The following TMEM233 variants were observed in gnomAD, a reference collection of about 807,000 sequenced individuals.
TMEM233 encodes the protein transmembrane protein 233, also known as dispanin subfamily B member 2.
In TMEM233, 6 loss-of-function variants were observed where a neutral mutation model predicts 11.2. The ratio of observed to expected loss-of-function variants is 0.54; its 90% CI spans 0.29 to 1.06. The LOEUF (loss-of-function observed/expected upper bound fraction) is 1.06, where lower values mean the gene tolerates loss of function less well. TMEM233 is among the 50% of genes least tolerant of loss of function. The pLI is 0.08. For synonymous variants in TMEM233, 59 were observed against 55.8 expected (o/e 1.06, Z -0.26); for missense variants, 127 against 144.7 (o/e 0.88, Z 0.63).
the TMEM233 span, among the ~76,000 whole-genome samples, chr12:119,651,096 T>C: frequency 6.6e-6 from 1 of 152,242 alleles, no homozygotes; most frequent in South Asian, 2.1e-4. Context: ...TTTAGGATGC[T>C]TTGGGTTGTA....
At chr12:119,626,341 G>T (rs939770792) in intron 1 of TMEM233, among the ~76,000 whole-genome samples, 1 of 151,856 alleles carries the variant, frequency 6.6e-6, no homozygotes, top group African/African-American at 2.4e-5. Flanking sequence ...GTGGTGGCAG[G>T]CACCTTTAGT....
At chr12:119,612,984 A>C (rs890281185) in intron 1 of TMEM233, among the ~76,000 whole-genome samples, 1 of 152,068 alleles carries the variant, frequency 6.6e-6, no homozygotes, top group Non-Finnish European at 1.5e-5. Flanking sequence ...ATTATACTTT[A>C]AGTTCTAGGG....
At chr12:119,625,351 CT>C (rs1954728306) in intron 1 of TMEM233, among the ~76,000 whole-genome samples, 1 of 147,738 alleles carries the variant, frequency 6.8e-6, no homozygotes, top group Non-Finnish European at 1.5e-5. Flanking sequence ...CGGAGTCCTT[CT>C]GTACATAACT....
intron 2 of TMEM233, 101 bp from the exon 3 acceptor site, chr12:119,640,598 G>A: frequency 1.5e-6 from 2 of 1,321,544 alleles, no homozygotes; most frequent in South Asian, 1.3e-5. Context: ...TGTTTAACCA[G>A]AGTCATCATC....
intron 2 of TMEM233, among the ~76,000 whole-genome samples, chr12:119,635,473 G>C (rs1168578669): frequency 6.6e-6 from 1 of 152,166 alleles, no homozygotes; most frequent in African/African-American, 2.4e-5. Flanking sequence ...GCATCCCTAA[G>C]ATAAAAGATA....
At chr12:119,612,564 C>T (rs113249122) in intron 1 of TMEM233, among the ~76,000 whole-genome samples, 57,482 of 151,746 alleles carry the variant, frequency 0.38, 12,441 homozygotes, top group East Asian at 0.56. Context: ...CTGGCTAACA[C>T]GGTGAAACCC....
chr12:119,626,378 G>A (rs1954757027), intron 1 of TMEM233, among the ~76,000 whole-genome samples: 2 of 151,662 alleles, frequency 1.3e-5, no homozygotes, highest in Admixed American at 1.3e-4. Context: ...GCTGAGGCGG[G>A]AGAATGGCTT....
chr12:119,599,710 G>A (rs927984452), intron 1 of TMEM233, among the ~76,000 whole-genome samples: 19 of 152,128 alleles, frequency 1.2e-4, no homozygotes, highest in Non-Finnish European at 2.6e-4. Flanking sequence ...GGAATAAAGG[G>A]TAGGGAAAAT....
intron 1 of TMEM233, among the ~76,000 whole-genome samples, chr12:119,616,734 CATGGGAGGAACCCA>C (rs1355852476): frequency 6.6e-6 from 1 of 152,154 alleles, no homozygotes; most frequent in Non-Finnish European, 1.5e-5. Flanking sequence ...CCCCATGTGT[CATGGGAGGAACCCA>C]GTGGGAGGTA....
At chr12:119,619,994 A>G (rs1271944857) in intron 1 of TMEM233, among the ~76,000 whole-genome samples, 1 of 152,244 alleles carries the variant, frequency 6.6e-6, no homozygotes, top group Non-Finnish European at 1.5e-5. Flanking sequence ...AAGAAGAAAT[A>G]CGTAGGATCA....
At chr12:119,599,419 A>G (rs1379469966) in intron 1 of TMEM233, among the ~76,000 whole-genome samples, 1 of 136,186 alleles carries the variant, frequency 7.3e-6, no homozygotes, top group Non-Finnish European at 1.6e-5. Context: ...TACACTTACT[A>G]TGTGCCCAGA....
chr12:119,600,007 C>G (rs1392990816), intron 1 of TMEM233, among the ~76,000 whole-genome samples: 1 of 151,866 alleles, frequency 6.6e-6, no homozygotes, highest in Non-Finnish European at 1.5e-5. Flanking sequence ...GTGACCAGTC[C>G]AAAAGAAAAA....
chr12:119,652,308 T>C, the TMEM233 span, among the ~76,000 whole-genome samples: 1 of 152,230 alleles, frequency 6.6e-6, no homozygotes, highest in East Asian at 1.9e-4. Context: ...AAAATGTCCA[T>C]CAATAGAGAC....
intron 1 of TMEM233, among the ~76,000 whole-genome samples, chr12:119,597,883 G>T (rs1368389173): frequency 2.0e-5 from 3 of 152,172 alleles, no homozygotes; most frequent in African/African-American, 7.2e-5. Flanking sequence ...CTGGGTTCCT[G>T]GTAGCTCATA....
At chr12:119,650,291 T>A in the TMEM233 span, among the ~76,000 whole-genome samples, 1 of 152,238 alleles carries the variant, frequency 6.6e-6, no homozygotes, top group Non-Finnish European at 1.5e-5. Flanking sequence ...TACCATTAAC[T>A]TCTCTTTGCA....
chr12:119,599,496 C>G (rs1374420386), intron 1 of TMEM233, among the ~76,000 whole-genome samples: 1 of 152,006 alleles, frequency 6.6e-6, no homozygotes, highest in Non-Finnish European at 1.5e-5. Context: ...ATTAGGAAAA[C>G]AGAAGAAGAA....
chr12:119,648,109 G>A, the TMEM233 span, among the ~76,000 whole-genome samples: 1 of 151,850 alleles, frequency 6.6e-6, no homozygotes, highest in South Asian at 2.1e-4. Flanking sequence ...CCATGCCCTA[G>A]GTCACAGTTT....
chr12:119,643,641 G>T (rs1412610773), downstream of TMEM233, among the ~76,000 whole-genome samples: 4 of 152,038 alleles, frequency 2.6e-5, no homozygotes, highest in Non-Finnish European at 5.9e-5. Flanking sequence ...GGTGGCGGGC[G>T]CCTGTAGTCC....
intron 1 of TMEM233, among the ~76,000 whole-genome samples, chr12:119,602,442 A>T (rs1300913305): frequency 1.3e-5 from 2 of 151,972 alleles, no homozygotes; most frequent in Non-Finnish European, 2.9e-5. Flanking sequence ...AAAATTACAG[A>T]CCCCTGTGAA....
Sources: gnomAD v4.1 joint callset for allele counts (sites outside exome capture counted in the v4.1 genomes callset) on GRCh38, gnomAD v4.1.1 for gene constraint, MANE v1.5 for transcripts, NCBI Gene and HGNC (gene_info 2026-07-23, HGNC 2026-07-21) for gene names.